Variants in TMEM117 observed in about 807,000 individuals in gnomAD.
TMEM117 encodes the protein transmembrane protein 117.
Under a neutral mutation model 52.4 loss-of-function variants are expected in TMEM117, and 27 were observed. The ratio of observed to expected loss-of-function variants is 0.51; its 90% CI spans 0.38 to 0.71. The LOEUF (loss-of-function observed/expected upper bound fraction) is 0.71. Ranked by LOEUF, TMEM117 falls within the 30% of genes least tolerant of loss-of-function variation. TMEM117 has a pLI of 0.00. For synonymous variants in TMEM117, 215 were observed against 206.3 expected (o/e 1.04, Z -0.36); for missense variants, 556 against 630.5 (o/e 0.88, Z 1.26).
chr12:43,970,323 C>G (rs1448204560), intron 3 of TMEM117, among the ~76,000 whole-genome samples: 1 of 150,988 alleles, frequency 6.6e-6, no homozygotes, highest in African/African-American at 2.4e-5. Context: ...GAGTCTTGCT[C>G]TGTTGCCCAG....
chr12:44,324,494 G>A (rs1951171722), intron 6 of TMEM117, among the ~76,000 whole-genome samples: 1 of 151,984 alleles, frequency 6.6e-6, no homozygotes. Context: ...GCAGAATTAT[G>A]TTGAGTTCAG....
chr12:44,168,122 T>C (rs565718053), intron 4 of TMEM117, among the ~76,000 whole-genome samples: 2 of 151,624 alleles, frequency 1.3e-5, no homozygotes, highest in African/African-American at 4.9e-5. Context: ...GGTGTGGTGG[T>C]GCGTGCCTGT....
At chr12:44,376,848 TAAC>T in intron 7 of TMEM117, 124 bp downstream of exon 7, 12 of 1,083,128 alleles carry the variant, frequency 1.1e-5, no homozygotes, top group Non-Finnish European at 1.4e-5. Context: ...CTCATTCACT[TAAC>T]AGTGCAAGGT....
chr12:44,394,781 G>A, the TMEM117 span, among the ~76,000 whole-genome samples: 13 of 152,182 alleles, frequency 8.5e-5, no homozygotes, highest in Non-Finnish European at 1.9e-4. Context: ...CTGAGCCCCT[G>A]CACTTTAGGA....
chr12:43,853,298 A>G (rs191943516), intron 2 of TMEM117, among the ~76,000 whole-genome samples: 396 of 152,060 alleles, frequency 2.6e-3, no homozygotes, highest in Middle Eastern at 6.8e-3. Flanking sequence ...ATTTTTTGAG[A>G]CAGAGTCTCA....
intron 6 of TMEM117, 150 bp downstream of exon 6, chr12:44,299,889 A>G: frequency 9.2e-7 from 1 of 1,090,786 alleles, no homozygotes; most frequent in South Asian, 1.6e-5. Context: ...ATTTTCAGCT[A>G]TTATACTGGG....
rs1332711621 is a variant in TMEM117, at chr12:44,143,519, C to T, written c.411-6C>T. 2 of 1,605,462 alleles carry T rather than the reference C, an allele frequency of 1.2e-6. No individual in the cohort carries two copies. Among genetic ancestry groups the T allele is most frequent in the Non-Finnish European group, 1.7e-6 (2 of 1,175,502 alleles). Reference sequence around the variant, plus strand: ...CGGACAATGTCTTGTGTGTTTGTTTCCACAGAGCATATATCATTACAGACT... The same window carrying T: ...CGGACAATGTCTTGTGTGTTTGTTTTCACAGAGCATATATCATTACAGACT... On this transcript the variant is annotated splice_region_variant and splice_polypyrimidine_tract_variant and intron_variant, in intron 3 of 7. Coordinates refer to ENST00000266534, the MANE Select transcript of TMEM117 (RefSeq NM_032256.3).
At chr12:44,291,211 T>G (rs1271476085) in intron 5 of TMEM117, among the ~76,000 whole-genome samples, 1 of 152,118 alleles carries the variant, frequency 6.6e-6, no homozygotes, top group Non-Finnish European at 1.5e-5. Flanking sequence ...CACCTCTCGT[T>G]AAATTTATTT....
chr12:44,253,835 T>TACACACACACACACACAC (rs10565033), intron 5 of TMEM117, among the ~76,000 whole-genome samples: 2 of 136,260 alleles, frequency 1.5e-5, no homozygotes, highest in African/African-American at 5.3e-5. Flanking sequence ...TGATAATTCC[T>TACACACACACACACACAC]ACACACACAC....
intron 6 of TMEM117, among the ~76,000 whole-genome samples, chr12:44,353,072 T>C (rs1370126591): frequency 2.0e-5 from 3 of 152,004 alleles, no homozygotes; most frequent in Admixed American, 6.6e-5. Context: ...TTTCATGTGT[T>C]TTTTGGCTGC....
At chr12:43,805,666 C>G in the TMEM117 span, 1 of 671,140 alleles carries the variant, frequency 1.5e-6, no homozygotes, top group Non-Finnish European at 2.4e-6. Flanking sequence ...CACACGCTTA[C>G]ACTCGAGATT....
chr12:43,933,522 T>A (rs1444493108), intron 2 of TMEM117, among the ~76,000 whole-genome samples: 3 of 151,438 alleles, frequency 2.0e-5, no homozygotes, highest in Non-Finnish European at 4.4e-5. Context: ...TTTTTAACAA[T>A]TGGGAACTAT....
chr12:44,397,079 A>G, the TMEM117 span, among the ~76,000 whole-genome samples: 2 of 152,146 alleles, frequency 1.3e-5, no homozygotes, highest in Non-Finnish European at 2.9e-5. Flanking sequence ...TTGAGCCAGA[A>G]AAACTTGAAC....
intron 5 of TMEM117, among the ~76,000 whole-genome samples, chr12:44,238,665 A>G (rs1418797177): frequency 6.6e-6 from 1 of 152,122 alleles, no homozygotes; most frequent in Non-Finnish European, 1.5e-5. Context: ...CAACAACAAC[A>G]ACAACAAAAC....
At chr12:44,090,839 G>GTTTTTTTTTATTTTTTT (rs1264179472) in intron 3 of TMEM117, among the ~76,000 whole-genome samples, 1 of 104,802 alleles carries the variant, frequency 9.5e-6, no homozygotes, top group Non-Finnish European at 1.9e-5. Flanking sequence ...GTATTTATGT[G>GTTTTTTTTTATTTTTTT]TTTTTTTTTG....
intron 3 of TMEM117, among the ~76,000 whole-genome samples, chr12:44,050,201 G>A (rs1412189152): frequency 1.3e-5 from 2 of 152,196 alleles, no homozygotes; most frequent in East Asian, 3.9e-4. Context: ...TTTTGAGACG[G>A]AGTCTCATTC....
intron 3 of TMEM117, among the ~76,000 whole-genome samples, chr12:44,101,780 C>A: frequency 6.6e-6 from 1 of 152,042 alleles, no homozygotes; most frequent in East Asian, 1.9e-4. Context: ...TGCCTCTGCA[C>A]TTGTGTTCCT....
chr12:44,098,053 C>G (rs986693944), intron 3 of TMEM117, among the ~76,000 whole-genome samples: 1 of 151,680 alleles, frequency 6.6e-6, no homozygotes, highest in South Asian at 2.1e-4. Context: ...TAAAATGGCC[C>G]CAGGGTCAGT....
chr12:44,203,802 G>A (rs1370773297), intron 4 of TMEM117, among the ~76,000 whole-genome samples: 2 of 152,114 alleles, frequency 1.3e-5, no homozygotes, highest in African/African-American at 4.8e-5. Flanking sequence ...ATAATGTTGT[G>A]GTTTGAGAGT....
Sources: allele counts gnomAD v4.1 joint callset (sites outside exome capture counted in the v4.1 genomes callset), GRCh38; gene constraint gnomAD v4.1.1; transcripts MANE v1.5; gene names NCBI Gene and HGNC (gene_info 2026-07-23, HGNC 2026-07-21).